The following TBC1D23 variants were observed in gnomAD, a reference collection of about 807,000 sequenced individuals.
The protein encoded by TBC1D23 is HCV non-structural protein 4A-transactivated protein 1.
Under a neutral mutation model 91.4 loss-of-function variants are expected in TBC1D23, and 55 were observed. The ratio of observed to expected loss-of-function variants is 0.60; its 90% CI spans 0.48 to 0.75. TBC1D23 has a LOEUF of 0.75. TBC1D23 is among the 30% of genes least tolerant of loss of function. The pLI, the probability that TBC1D23 is intolerant of heterozygous loss-of-function variation, is 0.00. For synonymous variants in TBC1D23, 289 were observed against 281.0 expected, an observed-to-expected ratio of 1.03 and a Z score of -0.28; for missense variants, 725 against 836.1, an observed-to-expected ratio of 0.87 and a Z score of 1.64.
chr3:100,293,899 C>G (rs1341914672), intron 5 of TBC1D23, among the ~76,000 whole-genome samples: 2 of 152,070 alleles, frequency 1.3e-5, no homozygotes, highest in Non-Finnish European at 2.9e-5. Flanking sequence ...GAATTTAAAT[C>G]AGAGATATTT....
chr3:100,285,891 G>A (rs565840115), intron 4 of TBC1D23, among the ~76,000 whole-genome samples: 34 of 150,582 alleles, frequency 2.3e-4, no homozygotes, highest in African/African-American at 8.0e-4. Flanking sequence ...TTTACCCAAA[G>A]TACTTTTAAA....
intron 11 of TBC1D23, among the ~76,000 whole-genome samples, chr3:100,304,173 T>C (rs2148865859): frequency 6.6e-6 from 1 of 152,288 alleles, no homozygotes; most frequent in Non-Finnish European, 1.5e-5. Context: ...TAATTTGTGT[T>C]ATAGAGTTCC....
chr3:100,264,967 G>T (rs1322042023), intron 1 of TBC1D23, among the ~76,000 whole-genome samples: 1 of 152,162 alleles, frequency 6.6e-6, no homozygotes, highest in Non-Finnish European at 1.5e-5. Flanking sequence ...GCTGCTGGGG[G>T]TTGCCAATTC....
chr3:100,294,952 C>G (rs2067825364), intron 5 of TBC1D23, 135 bp from the exon 6 acceptor site: 1 of 861,206 alleles, frequency 1.2e-6, no homozygotes. Context: ...ATTTCATACA[C>G]TAAGATTAAG....
chr3:100,305,330 C>G (rs1344042461), intron 12 of TBC1D23, among the ~76,000 whole-genome samples: 1 of 152,028 alleles, frequency 6.6e-6, no homozygotes, highest in African/African-American at 2.4e-5. Context: ...ACAAAATAAA[C>G]TGATATTTTC....
intron 1 of TBC1D23, among the ~76,000 whole-genome samples, chr3:100,274,907 TTG>T (rs769374347): frequency 0.028 from 2,301 of 83,604 alleles, 26 homozygotes; most frequent in South Asian, 0.051. Flanking sequence ...CCCCCCCTTT[TTG>T]TTTATTCATT....
At position 100,306,479 on chromosome 3, in the gene TBC1D23, A is replaced by G. The variant is rs761658747; in HGVS notation, c.1349A>G (p.Glu450Gly). ...HLADINVDGPENGYGHWIAST... is the reference protein window; with the variant it reads ...HLADINVDGPGNGYGHWIAST... Reference sequence around the variant, plus strand: ...GCAGACATTAATGTGGATGGACCAGAAAATGGATATGGCCATTGGATTGCT... The same window carrying G: ...GCAGACATTAATGTGGATGGACCAGGAAATGGATATGGCCATTGGATTGCT... The change falls in exon 13 of 19, where the codon GAA (glutamate) becomes GGA (glycine). Residue 450 changes from glutamate to glycine, a missense_variant. Transcript: ENST00000394144. 6.2e-7 allele frequency: 1 copy of G among 1,613,146 alleles called. No homozygotes were observed. Among genetic ancestry groups the G allele is most frequent in the Non-Finnish European group, 8.5e-7 (1 of 1,179,128 alleles).
intron 13 of TBC1D23, among the ~76,000 whole-genome samples, chr3:100,308,432 G>C (rs964688898): frequency 6.6e-6 from 1 of 151,126 alleles, no homozygotes; most frequent in Admixed American, 6.6e-5. Flanking sequence ...CCCACATCCC[G>C]CCACTGCACT....
chr3:100,297,038 A>C (rs951431326), intron 8 of TBC1D23, among the ~76,000 whole-genome samples: 13 of 152,120 alleles, frequency 8.5e-5, no homozygotes, highest in Admixed American at 7.2e-4. Flanking sequence ...ATGCCTAATA[A>C]AGGACACCAG....
intron 16 of TBC1D23, 91 bp downstream of exon 16, chr3:100,316,278 T>A (rs1392979727): frequency 6.8e-6 from 6 of 886,670 alleles, no homozygotes; most frequent in African/African-American, 3.3e-5. Flanking sequence ...ACTGCTTTTT[T>A]AAAAAAATGA....
intron 1 of TBC1D23, chr3:100,267,183 T>C (rs2067564299): frequency 4.6e-6 from 2 of 438,008 alleles, no homozygotes; most frequent in African/African-American, 2.0e-5. Context: ...ATAATAGGAT[T>C]AAACAGTTTG....
chr3:100,317,542 C>T (rs1258814573), intron 16 of TBC1D23, among the ~76,000 whole-genome samples: 1 of 152,082 alleles, frequency 6.6e-6, no homozygotes, highest in African/African-American at 2.4e-5. Context: ...TTAAATCTTA[C>T]TGCTAAGTAA....
At chr3:100,315,154 C>CTTTTTTTTTTTTTTTTTT (rs397705981) in intron 15 of TBC1D23, among the ~76,000 whole-genome samples, 1 of 73,664 alleles carries the variant, frequency 1.4e-5, no homozygotes, top group African/African-American at 5.6e-5. Flanking sequence ...GAGGCAGATT[C>CTTTTTTTTTTTTTTTTTT]TTTTTTTTTT....
At chr3:100,290,491 G>A (rs1343294569) in intron 4 of TBC1D23, 87 bp from the exon 5 acceptor site, 1 of 1,185,140 alleles carries the variant, frequency 8.4e-7, no homozygotes, top group East Asian at 2.4e-5. Flanking sequence ...AGTGAATGCT[G>A]TGGAGGGTAT....
In TBC1D23 at chr3:100,306,443, A is replaced by C. The variant is rs573000834; in HGVS notation, c.1313A>C (p.Gln438Pro). 4 of 1,598,962 alleles carry C rather than the reference A, an allele frequency of 2.5e-6. No individual in the cohort carries two copies. Among genetic ancestry groups the C allele is most frequent in the Admixed American group, 1.7e-5 (1 of 59,794 alleles). ...TTTTTTAATTTATCTTAAGCACTGC[A>C]GCAGCACCTGGCAGACATTAATGTG... ...SIASGGFMALQQHLADINVDG... is the reference protein window; with the variant it reads ...SIASGGFMALPQHLADINVDG... The change falls in exon 13 of 19, where the codon CAG (glutamine) becomes CCG (proline). Residue 438 changes from glutamine to proline, a missense_variant. By Grantham distance (76) the Gln-to-Pro change is moderately conservative. Transcript: ENST00000394144.
At chr3:100,310,036 A>T (rs577444366) in intron 13 of TBC1D23, among the ~76,000 whole-genome samples, 1 of 152,360 alleles carries the variant, frequency 6.6e-6, no homozygotes, top group African/African-American at 2.4e-5. Flanking sequence ...GGAGGCTAAA[A>T]GTCCAAGATG....
At chr3:100,264,488 C>G (rs2067542590) in intron 1 of TBC1D23, among the ~76,000 whole-genome samples, 1 of 152,120 alleles carries the variant, frequency 6.6e-6, no homozygotes, top group African/African-American at 2.4e-5. Flanking sequence ...GGTCTCTGTC[C>G]TCAGGGAATT....
At chr3:100,282,210 G>A (rs2067701223) in intron 3 of TBC1D23, among the ~76,000 whole-genome samples, 1 of 152,194 alleles carries the variant, frequency 6.6e-6, no homozygotes, top group African/African-American at 2.4e-5. Context: ...TACTTGGGAG[G>A]CTGAGGCAGG....
At chr3:100,266,064 A>G (rs1411450713) in intron 1 of TBC1D23, among the ~76,000 whole-genome samples, 1 of 152,206 alleles carries the variant, frequency 6.6e-6, no homozygotes. Context: ...GACATTGTCT[A>G]CTTGTGGAAC....
Sources: gnomAD v4.1 joint callset for allele counts (sites outside exome capture counted in the v4.1 genomes callset) on GRCh38, gnomAD v4.1.1 for gene constraint, MANE v1.5 for transcripts, NCBI Gene and HGNC (gene_info 2026-07-23, HGNC 2026-07-21) for gene names.